Variants in PTPDC1 observed in about 807,000 individuals in gnomAD.
PTPDC1 encodes protein tyrosine phosphatase domain-containing protein 1.
PTPDC1 carries 53 observed loss-of-function variants against 75.3 expected under a neutral mutation model. The observed-to-expected ratio is 0.70, with a 90% CI of 0.56 to 0.88. The LOEUF (loss-of-function observed/expected upper bound fraction) is 0.88. Among genes scored for constraint, PTPDC1 ranks in the 40% least tolerant of loss-of-function variants. The pLI, the probability that PTPDC1 is intolerant of heterozygous loss-of-function variation, is 0.00. For synonymous variants in PTPDC1, 349 were observed against 366.2 expected (o/e 0.95, Z 0.54); for missense variants, 925 against 998.6 (o/e 0.93, Z 0.99).
intron 2 of PTPDC1, among the ~76,000 whole-genome samples, chr9:94,078,129 G>T (rs1297441559): frequency 6.6e-6 from 1 of 152,076 alleles, no homozygotes; most frequent in Non-Finnish European, 1.5e-5. Flanking sequence ...CTTTCACATG[G>T]ATTCACATTA....
At chr9:94,056,205 T>C (rs1825929131) in intron 1 of PTPDC1, among the ~76,000 whole-genome samples, 1 of 152,216 alleles carries the variant, frequency 6.6e-6, no homozygotes. Flanking sequence ...CTTGGAACAG[T>C]ACCTGGCATG....
At chr9:94,047,038 G>C (rs1400009781) in intron 1 of PTPDC1, among the ~76,000 whole-genome samples, 1 of 152,138 alleles carries the variant, frequency 6.6e-6, no homozygotes, top group Non-Finnish European at 1.5e-5. Flanking sequence ...CTAATTTATT[G>C]AGAGTTTTTA....
intron 1 of PTPDC1, among the ~76,000 whole-genome samples, chr9:94,042,130 C>T (rs554155168): frequency 6.6e-6 from 1 of 152,284 alleles, no homozygotes; most frequent in African/African-American, 2.4e-5. Context: ...TGGCTCCTAC[C>T]ATTCACCATC....
rs1053343532 is a variant in PTPDC1, at chr9:94,050,916, GC to G, written c.-6-13817del. Among the ~76,000 whole-genome samples, 97 of 152,294 alleles carry G rather than the reference GC, an allele frequency of 6.4e-4. 1 individual carries two copies. Among genetic ancestry groups the G allele is most frequent in the African/African-American group, 2.2e-3 (93 of 41,568 alleles). On this transcript the variant is annotated intron_variant, in intron 1 of 9. Coordinates refer to the PTPDC1 transcript ENST00000375360. ...CCTACTCAAGCCTTGGCAATGGCGG[GC>G]GCCCCTCCCCTCGCCTGGCTGCCAC...
At position 94,098,491 on chromosome 9, in the gene PTPDC1, CAAG is replaced by C; in HGVS notation, c.1931_1933del (p.Arg644del). The C allele has an allele frequency of 2.5e-6, 4 of 1,614,022 alleles. No individual in the cohort carries two copies. Among genetic ancestry groups the C allele is most frequent in the Non-Finnish European group, 3.4e-6 (4 of 1,179,970 alleles). On this transcript the variant is annotated inframe_deletion, in exon 6 of 9. Coordinates refer to ENST00000620992, the MANE Select transcript of PTPDC1 (RefSeq NM_001253829.2). ...TTACAGTCTGAATTGAGTGCTGAGG[CAAG>C]AAGAATACTGGCGGCCAAAGCCCTA...
chr9:94,058,833 C>CA (rs892114906), intron 1 of PTPDC1, among the ~76,000 whole-genome samples: 4 of 151,538 alleles, frequency 2.6e-5, no homozygotes, highest in African/African-American at 9.7e-5. Context: ...TATAAAAATA[C>CA]AAAAAAAATT....
chr9:94,085,408 G>T lies in PTPDC1; in HGVS notation c.402G>T (p.Gly134=), dbSNP rs1244002844. 6.2e-7 allele frequency: 1 copy of T among 1,614,008 alleles called. No homozygotes were observed. Among genetic ancestry groups the T allele is most frequent in the Admixed American group, 1.7e-5 (1 of 60,012 alleles). ...RWSEQEQAIK[G]VYSSWVTDNI... ...GTGAGCAGGAGCAAGCCATTAAGGGGGTTTACTCATCCTGGTGAGTGATCC... is the reference window on the plus strand; with the variant it reads ...GTGAGCAGGAGCAAGCCATTAAGGGTGTTTACTCATCCTGGTGAGTGATCC... The change falls in exon 2 of 9, where the codon GGG becomes GGT. Residue 134 remains glycine (G), a synonymous_variant. Transcript: ENST00000620992.
chr9:94,086,797 A>C (rs1054302248), intron 2 of PTPDC1, among the ~76,000 whole-genome samples: 1 of 152,230 alleles, frequency 6.6e-6, no homozygotes, highest in South Asian at 2.1e-4. Context: ...CATTTTATCA[A>C]TGAAAGAATT....
intron 2 of PTPDC1, chr9:94,064,877 A>G: frequency 7.6e-7 from 1 of 1,318,134 alleles, no homozygotes. Flanking sequence ...ATTTAATAAA[A>G]GTAGCTATAT....
In PTPDC1 at chr9:94,109,701, G is replaced by A. The variant is rs926912311; in HGVS notation, c.*1757G>A. 5 of 152,098 alleles carry A rather than the reference G, an allele frequency of 3.3e-5. No homozygotes were observed. The highest frequency in any genetic ancestry group is 1.2e-4 in the African/African-American group (5 of 41,396). The allele number at this position is 152,098 out of a possible 1,614,324, so 9.4% of individuals were successfully genotyped here. A position where few individuals can be genotyped will look rare whatever the true frequency, so the allele number is the denominator to read the frequency against. On this transcript the variant is annotated 3_prime_UTR_variant, in exon 9 of 9. Transcript: ENST00000620992. Reference sequence around the variant, plus strand: ...TTGCTATTTGCCTGTTGAAATACTTGTTTCAACTTAGAGAACAGTTATGAT... The same window carrying A: ...TTGCTATTTGCCTGTTGAAATACTTATTTCAACTTAGAGAACAGTTATGAT...
At chr9:94,042,456 A>G (rs1185370474) in intron 1 of PTPDC1, among the ~76,000 whole-genome samples, 9 of 152,202 alleles carry the variant, frequency 5.9e-5, no homozygotes, top group Non-Finnish European at 1.2e-4. Flanking sequence ...CCCAGTGCCT[A>G]TAATAGTTAT....
intron 8 of PTPDC1, among the ~76,000 whole-genome samples, chr9:94,106,894 C>G (rs528598823): frequency 6.6e-6 from 1 of 152,186 alleles, no homozygotes; most frequent in Non-Finnish European, 1.5e-5. Flanking sequence ...GTAAATAGTG[C>G]GCTCCCATCA....
At chr9:94,085,183 C>A in intron 1 of PTPDC1, 68 bp from the exon 2 acceptor site, 1 of 1,374,922 alleles carries the variant, frequency 7.3e-7, no homozygotes, top group Non-Finnish European at 1.0e-6. Flanking sequence ...AAAATGGAAG[C>A]TATTTCCCAT....
chr9:94,064,380 C>T (rs1328937992), intron 1 of PTPDC1, among the ~76,000 whole-genome samples: 1 of 152,082 alleles, frequency 6.6e-6, no homozygotes, highest in Non-Finnish European at 1.5e-5. Context: ...ATAGAAATAA[C>T]TTAATAAGTA....
At chr9:94,088,577 T>C (rs1827159463) in intron 4 of PTPDC1, among the ~76,000 whole-genome samples, 1 of 152,154 alleles carries the variant, frequency 6.6e-6, no homozygotes, top group Non-Finnish European at 1.5e-5. Flanking sequence ...ATTATTTCTG[T>C]TTTACATATG....
At chr9:94,062,298 C>T (rs1265340436) in intron 1 of PTPDC1, among the ~76,000 whole-genome samples, 2 of 152,172 alleles carry the variant, frequency 1.3e-5, no homozygotes, top group Non-Finnish European at 2.9e-5. Context: ...CTGGCCTTCA[C>T]TTTCCATATC....
At chr9:94,052,228 T>C (rs540519930) in intron 1 of PTPDC1, among the ~76,000 whole-genome samples, 92 of 152,322 alleles carry the variant, frequency 6.0e-4, no homozygotes, top group African/African-American at 1.9e-3. Flanking sequence ...TCTTAATCTA[T>C]GTGTTATTTA....
chr9:94,057,654 A>T (rs2118478776), intron 1 of PTPDC1, among the ~76,000 whole-genome samples: 1 of 152,356 alleles, frequency 6.6e-6, no homozygotes, highest in East Asian at 1.9e-4. Flanking sequence ...GAAGAAATTG[A>T]AGCTCAGAAT....
chr9:94,091,881 G>A lies in PTPDC1; in HGVS notation c.617-3436G>A, dbSNP rs1189548061. ...CTAGTTTATTTGCATAGAGGTGTTTGTAGTATTCTCTGATGGTAGTTTGTA... is the reference window on the plus strand; with the variant it reads ...CTAGTTTATTTGCATAGAGGTGTTTATAGTATTCTCTGATGGTAGTTTGTA... On this transcript the variant is annotated intron_variant, in intron 4 of 8. Coordinates refer to ENST00000620992, the MANE Select transcript of PTPDC1 (RefSeq NM_001253829.2). 6.6e-5 allele frequency among the ~76,000 whole-genome samples: 10 copies of A among 152,082 alleles called. No individual in the cohort carries two copies. The East Asian group carries it at 1.2e-3, about 18-fold the overall frequency.
Sources: gnomAD v4.1 joint callset for allele counts (sites outside exome capture counted in the v4.1 genomes callset) on GRCh38, gnomAD v4.1.1 for gene constraint, MANE v1.5 for transcripts, NCBI Gene and HGNC (gene_info 2026-07-23, HGNC 2026-07-21) for gene names.